Variants in PPP2CA observed in about 807,000 individuals in gnomAD.
PPP2CA encodes protein phosphatase 2 catalytic subunit alpha.
Under a neutral mutation model 38.8 loss-of-function variants are expected in PPP2CA, and 5 were observed. That is an observed-to-expected ratio of 0.13 (90% CI 0.07 to 0.27). The LOEUF (loss-of-function observed/expected upper bound fraction) is 0.27, where lower values mean the gene tolerates loss of function less well. Ranked by LOEUF, PPP2CA falls within the 10% of genes least tolerant of loss-of-function variation. The pLI is 1.00. For missense variants in PPP2CA, 88 were observed against 389.7 expected (o/e 0.23, Z 6.52); for synonymous variants, 152 against 134.0 (o/e 1.13, Z -0.93).
At chr5:134,205,803 A>T (rs1762071368) in intron 2 of PPP2CA, 119 bp downstream of exon 2, 1 of 845,536 alleles carries the variant, frequency 1.2e-6, no homozygotes, top group African/African-American at 1.7e-5. Flanking sequence ...GAACATATGC[A>T]TTCCTAAATG....
chr5:134,218,636 G>A (rs1209018266), intron 1 of PPP2CA, among the ~76,000 whole-genome samples: 2 of 150,858 alleles, frequency 1.3e-5, no homozygotes, highest in East Asian at 1.9e-4. Flanking sequence ...CCTCATCTGT[G>A]TAAGATGAAT....
intron 1 of PPP2CA, among the ~76,000 whole-genome samples, chr5:134,214,224 C>T (rs254048): frequency 0.75 from 113,805 of 152,122 alleles, 43,005 homozygotes; most frequent in Non-Finnish European, 0.82. Context: ...CCAACCAGAA[C>T]TCTTCTCATT....
At chr5:134,206,695 T>C (rs1021361381) in intron 1 of PPP2CA, among the ~76,000 whole-genome samples, 1 of 152,150 alleles carries the variant, frequency 6.6e-6, no homozygotes, top group Non-Finnish European at 1.5e-5. Flanking sequence ...TCTCACGTGA[T>C]CCTCCACCCT....
Position 134,225,965 on chromosome 5 carries a change from G to A in PPP2CA, c.-104C>T, listed in dbSNP as rs1243831281. 8 of 1,105,666 alleles carry A rather than the reference G, an allele frequency of 7.2e-6. No individual in the cohort carries two copies. The East Asian group carries it at 7.9e-5, about 11-fold the overall frequency. The allele number at this position is 1,105,666 out of a possible 1,614,324, so 68.5% of individuals were successfully genotyped here. A position where few individuals can be genotyped will look rare whatever the true frequency, so the allele number is the denominator to read the frequency against. On this transcript the variant is annotated 5_prime_UTR_variant, in exon 1 of 7. Transcript: ENST00000481195. ...CGCCGCCGGTTCCTCGTGTACTTCT[G>A]GCGGCTGTTGAGGCTGGCGCTGGCC...
At position 134,200,972 on chromosome 5, in the gene PPP2CA, A is replaced by G. The variant is rs889848083; in HGVS notation, c.576+13T>C. ...AAGTTTTCTGAAAGAATTTTATCAA[A>G]TAAAAGTCATACCTCATGGGGAACT... On this transcript the variant is annotated intron_variant, in intron 4 of 6. Coordinates refer to ENST00000481195, the MANE Select transcript of PPP2CA (RefSeq NM_002715.4). The G allele has an allele frequency of 8.9e-6, 14 of 1,578,970 alleles. No individual in the cohort carries two copies. The highest frequency in any genetic ancestry group is 1.1e-5 in the Non-Finnish European group (13 of 1,148,364).
At position 134,196,128 on chromosome 5, in the gene PPP2CA, G is replaced by C. The variant is rs142057530; in HGVS notation, c.*1644C>G. The C allele has an allele frequency of 6.6e-6, 1 of 152,258 alleles. No individual in the cohort carries two copies. The highest frequency in any genetic ancestry group is 1.9e-4 in the East Asian group (1 of 5,186). The allele number at this position is 152,258 out of a possible 1,614,324, so 9.4% of individuals were successfully genotyped here. On this transcript the variant is annotated 3_prime_UTR_variant, in exon 7 of 7. Coordinates refer to ENST00000481195, the MANE Select transcript of PPP2CA (RefSeq NM_002715.4). ...AGAAACCCTAATGGCCTTTTGCTTT[G>C]GAAAATTAACTCCACAAGCCACTAA...
chr5:134,206,975 G>A (rs2239546), intron 1 of PPP2CA, among the ~76,000 whole-genome samples: 117,235 of 151,730 alleles, frequency 0.77, 45,732 homozygotes, highest in Non-Finnish European at 0.82. Context: ...AAGGGAGAGG[G>A]AAACTGGGAG....
In PPP2CA at chr5:134,197,705, T is replaced by C. The variant is rs148509164; in HGVS notation, c.*67A>G. On this transcript the variant is annotated 3_prime_UTR_variant, in exon 7 of 7. Coordinates refer to ENST00000481195, the MANE Select transcript of PPP2CA (RefSeq NM_002715.4). ...ATTTTCTGACACTTTGGAGTTACTG[T>C]TGCTCTTCCCATTTCCATTAGGTCG... 29 of 1,287,120 alleles carry C rather than the reference T, an allele frequency of 2.3e-5. No homozygotes were observed. The East Asian group carries it at 5.8e-4, about 26-fold the overall frequency. The allele number at this position is 1,287,120 out of a possible 1,614,324, so 79.7% of individuals were successfully genotyped here.
intron 1 of PPP2CA, among the ~76,000 whole-genome samples, chr5:134,215,649 G>T (rs1428690070): frequency 6.6e-6 from 1 of 152,088 alleles, no homozygotes; most frequent in Non-Finnish European, 1.5e-5. Context: ...ATGCTGCCTA[G>T]GCTGGTCTTG....
chr5:134,204,028 G>A (rs1380885160), intron 2 of PPP2CA, among the ~76,000 whole-genome samples: 1 of 152,162 alleles, frequency 6.6e-6, no homozygotes, highest in Admixed American at 6.5e-5. Flanking sequence ...TGGAGTCACC[G>A]CAGAAACCTT....
At position 134,206,674 on chromosome 5, in the gene PPP2CA, T is replaced by A. The variant is rs75806525; in HGVS notation, c.103-543A>T. Among the ~76,000 whole-genome samples the A allele has an allele frequency of 1.7e-3, 266 of 152,286 alleles. 8 individuals carry two copies. In the East Asian group the frequency reaches 0.045, roughly 26 times the overall value. ...TGGCTAATTTTCACAAACTTTTTTG[T>A]AGAGACGGGGTCTCACGTGATCCTC... On this transcript the variant is annotated intron_variant, in intron 1 of 6. Coordinates refer to ENST00000481195, the MANE Select transcript of PPP2CA (RefSeq NM_002715.4).
chr5:134,211,099 C>A (rs1762195290), intron 1 of PPP2CA, among the ~76,000 whole-genome samples: 1 of 145,734 alleles, frequency 6.9e-6, no homozygotes. Context: ...TTTTTAAAAT[C>A]TTTTTTTTTT....
At chr5:134,203,340 A>C (rs1762007790) in intron 2 of PPP2CA, among the ~76,000 whole-genome samples, 1 of 152,166 alleles carries the variant, frequency 6.6e-6, no homozygotes, top group African/African-American at 2.4e-5. Flanking sequence ...CATTTACTGA[A>C]AGAAACATCC....
rs563918826 is a variant in PPP2CA at position 134,225,995 on chromosome 5, G to A, written c.-134C>T. On this transcript the variant is annotated 5_prime_UTR_variant, in exon 1 of 7. Transcript: ENST00000481195. ...CTGTTGAGGCTGGCGCTGGCCCGCTGGCTCTCACCGCAGTACTCGGCCGTC... is the reference window on the plus strand; with the variant it reads ...CTGTTGAGGCTGGCGCTGGCCCGCTAGCTCTCACCGCAGTACTCGGCCGTC... 2.9e-3 allele frequency: 2,158 copies of A among 734,704 alleles called. 5 individuals are homozygous for A. The highest frequency in any genetic ancestry group is 3.8e-3 in the Non-Finnish European group (1,769 of 460,948). 45.5% of individuals were successfully genotyped at this position (734,704 alleles called of 1,614,324 possible).
chr5:134,201,780 T>G (rs1055683722), intron 3 of PPP2CA, 68 bp downstream of exon 3: 41 of 1,500,690 alleles, frequency 2.7e-5, no homozygotes, highest in Non-Finnish European at 3.7e-5. Flanking sequence ...GAAAGAGTCA[T>G]AAGCACCTGA....
intron 2 of PPP2CA, 106 bp downstream of exon 2, chr5:134,205,816 G>T (rs922353350): frequency 1.3e-4 from 130 of 972,866 alleles, no homozygotes; most frequent in Non-Finnish European, 1.8e-4. Flanking sequence ...CCTAAATGTG[G>T]AATTTTGTTT....
At chr5:134,202,123 A>G in intron 2 of PPP2CA, 102 bp from the exon 3 acceptor site, 5 of 1,161,518 alleles carry the variant, frequency 4.3e-6, no homozygotes, top group Non-Finnish European at 5.9e-6. Flanking sequence ...AATTTTGTTG[A>G]AAAAACAGCA....
intron 1 of PPP2CA, among the ~76,000 whole-genome samples, chr5:134,213,181 C>T (rs942451752): frequency 6.6e-6 from 1 of 152,176 alleles, no homozygotes; most frequent in Non-Finnish European, 1.5e-5. Context: ...CCCTCAAACC[C>T]TCAACGGACA....
At chr5:134,199,309 A>G (rs1309131942) in intron 5 of PPP2CA, 105 bp from the exon 6 acceptor site, 2 of 791,848 alleles carry the variant, frequency 2.5e-6, no homozygotes, top group Non-Finnish European at 4.2e-6. Context: ...ACCCCTGCCA[A>G]AGGGGCTTAA....
Sources: gnomAD v4.1 joint callset for allele counts (sites outside exome capture counted in the v4.1 genomes callset) on GRCh38, gnomAD v4.1.1 for gene constraint, MANE v1.5 for transcripts, NCBI Gene and HGNC (gene_info 2026-07-23, HGNC 2026-07-21) for gene names.